Variants in TPP2 observed in about 807,000 individuals in gnomAD.
TPP2 encodes tripeptidyl-peptidase 2.
A neutral mutation model predicts 155.9 loss-of-function variants in TPP2; 34 were observed. That is an observed-to-expected ratio of 0.22 (90% CI 0.17 to 0.29). The LOEUF is 0.29. Ranked by LOEUF, TPP2 falls within the 10% of genes least tolerant of loss-of-function variation. The pLI is 1.00. For synonymous variants in TPP2, 510 were observed against 529.4 expected (o/e 0.96, Z 0.50); for missense variants, 1,028 against 1,522.3 (o/e 0.68, Z 5.40).
At chr13:102,608,689 T>C (rs113013642) in intron 2 of TPP2, among the ~76,000 whole-genome samples, 1 of 152,240 alleles carries the variant, frequency 6.6e-6, no homozygotes, top group African/African-American at 2.4e-5. Flanking sequence ...TTTTAATTTT[T>C]TTCTATTTCA....
At chr13:102,608,042 G>A (rs1879984833) in intron 2 of TPP2, 1 of 152,348 alleles carries the variant, frequency 6.6e-6, no homozygotes, top group African/African-American at 2.4e-5. Context: ...TCTTTTCTCA[G>A]CTTGGTGACG....
rs1236436476 is a variant in TPP2, at chr13:102,639,905, CTT to C, written c.1914-363_1914-362del. ...TAGCTATAATACCAGTGACATAAAACTTTATCATTGATTTTAATATCTAGGAC... is the reference window on the plus strand; with the variant it reads ...TAGCTATAATACCAGTGACATAAAACTATCATTGATTTTAATATCTAGGAC... On this transcript the variant is annotated intron_variant, in intron 15 of 29. Coordinates refer to ENST00000376052, the MANE Select transcript of TPP2 (RefSeq NM_001330588.2). 3.3e-5 allele frequency among the ~76,000 whole-genome samples: 5 copies of C among 152,268 alleles called. No homozygotes were observed. The East Asian group carries it at 9.6e-4, about 29-fold the overall frequency.
In TPP2 at chr13:102,604,827, TCATTGATA is replaced by T; in HGVS notation, c.203_210del (p.Ile68AsnfsTer18). ...GATGGAAAACCAAAAATCGTTGATA[TCATTGATA>T]CAACAGGAAGTGGCGATGTGAATAC... On this transcript the variant is annotated frameshift_variant, in exon 2 of 30. Coordinates refer to ENST00000376052, the MANE Select transcript of TPP2 (RefSeq NM_001330588.2). LOFTEE classifies it high-confidence loss of function. 1 of 1,612,934 alleles carries T rather than the reference TCATTGATA, an allele frequency of 6.2e-7. No homozygotes were observed. Among genetic ancestry groups the T allele is most frequent in the Non-Finnish European group, 8.5e-7 (1 of 1,179,744 alleles).
chr13:102,673,943 A>T (rs1313133372), intron 27 of TPP2, among the ~76,000 whole-genome samples: 1 of 152,192 alleles, frequency 6.6e-6, no homozygotes, highest in Non-Finnish European at 1.5e-5. Context: ...ATTTATAAGA[A>T]AACTGAAAAC....
chr13:102,620,246 ACAAC>A (rs1881056870), intron 5 of TPP2, among the ~76,000 whole-genome samples: 1 of 152,234 alleles, frequency 6.6e-6, no homozygotes, highest in African/African-American at 2.4e-5. Flanking sequence ...CAGTTTGTTG[ACAAC>A]TATTCTAAGG....
chr13:102,627,265 A>AC (rs1298458902), intron 7 of TPP2, 99 bp downstream of exon 7: 1 of 1,217,892 alleles, frequency 8.2e-7, no homozygotes, highest in African/African-American at 1.6e-5. Context: ...AATACATTGA[A>AC]CTATATATAG....
At chr13:102,638,114 T>C (rs1263215849) in intron 14 of TPP2, 125 bp from the exon 15 acceptor site, 5 of 812,460 alleles carry the variant, frequency 6.2e-6, no homozygotes, top group Non-Finnish European at 1.0e-5. Context: ...AGGAAATTGG[T>C]GTCAACCTCT....
chr13:102,642,368 T>C (rs145733488), intron 16 of TPP2, among the ~76,000 whole-genome samples: 1 of 152,226 alleles, frequency 6.6e-6, no homozygotes, highest in African/African-American at 2.4e-5. Context: ...CTGAATTGGG[T>C]ACTTGTTTAG....
At chr13:102,659,068 C>T (rs9557901) in intron 25 of TPP2, among the ~76,000 whole-genome samples, 5 of 152,148 alleles carry the variant, frequency 3.3e-5, no homozygotes, top group African/African-American at 1.2e-4. Flanking sequence ...CCAGTGTGGC[C>T]TAAGGAGTTC....
intron 11 of TPP2, among the ~76,000 whole-genome samples, chr13:102,634,678 A>G (rs1460461481): frequency 6.6e-6 from 1 of 152,002 alleles, no homozygotes; most frequent in African/African-American, 2.4e-5. Flanking sequence ...TGCTCACCAC[A>G]TCTCCTCAGC....
intron 28 of TPP2, 28 bp from the exon 29 acceptor site, chr13:102,676,268 A>G (rs1885276805): frequency 1.3e-6 from 2 of 1,534,780 alleles, no homozygotes; most frequent in East Asian, 2.3e-5. Context: ...TATTTTATAA[A>G]CAAGCTTTAT....
chr13:102,621,990 A>G (rs1181801246), intron 5 of TPP2, among the ~76,000 whole-genome samples: 1 of 152,192 alleles, frequency 6.6e-6, no homozygotes, highest in Non-Finnish European at 1.5e-5. Flanking sequence ...ATACCTTCGT[A>G]TATTCTATTA....
intron 1 of TPP2, among the ~76,000 whole-genome samples, chr13:102,601,879 A>G (rs1879456825): frequency 6.6e-6 from 1 of 152,242 alleles, no homozygotes; most frequent in African/African-American, 2.4e-5. Context: ...TTGCATGTAT[A>G]ATAATTTGTA....
rs148533654 is a variant in TPP2 at position 102,611,964 on chromosome 13, C to G, written c.295-2137C>G. On this transcript the variant is annotated intron_variant, in intron 2 of 29. Transcript: ENST00000376052. ...GCTTCTGAAGTCTCTTTCGTATTCT[C>G]TTTGTCCCTTCGTTTTTGGATGCTT... Among the ~76,000 whole-genome samples, 311 of 152,314 alleles carry G rather than the reference C, an allele frequency of 2.0e-3. 3 individuals are homozygous for G. The highest frequency in any genetic ancestry group is 7.2e-3 in the African/African-American group (298 of 41,576).
intron 20 of TPP2, 121 bp from the exon 21 acceptor site, chr13:102,647,086 T>G: frequency 7.9e-7 from 1 of 1,270,710 alleles, no homozygotes; most frequent in Non-Finnish European, 1.0e-6. Context: ...TCAAAATTTT[T>G]TACCACAAGT....
chr13:102,659,867 A>G (rs1026891224), intron 25 of TPP2, among the ~76,000 whole-genome samples: 3 of 152,234 alleles, frequency 2.0e-5, no homozygotes, highest in Admixed American at 6.5e-5. Context: ...GCAGTTCTGT[A>G]AATATTGTGT....
At chr13:102,649,184 A>C in intron 22 of TPP2, 33 bp downstream of exon 22, 1 of 1,568,280 alleles carries the variant, frequency 6.4e-7, no homozygotes, top group Non-Finnish European at 8.6e-7. Context: ...CTTACTGCCC[A>C]TCGTATACAC....
At chr13:102,641,054 C>T (rs561222098) in intron 16 of TPP2, among the ~76,000 whole-genome samples, 1 of 152,138 alleles carries the variant, frequency 6.6e-6, no homozygotes, top group Non-Finnish European at 1.5e-5. Flanking sequence ...ATCTTTGAAG[C>T]TCTGTTTATA....
intron 4 of TPP2, among the ~76,000 whole-genome samples, chr13:102,617,125 AGGCTGG>A (rs1447229436): frequency 1.3e-5 from 2 of 151,652 alleles, no homozygotes. Context: ...CGTGTTGGCC[AGGCTGG>A]TCTTGAACTC....
Sources: gnomAD v4.1 joint callset for allele counts (sites outside exome capture counted in the v4.1 genomes callset) on GRCh38, gnomAD v4.1.1 for gene constraint, MANE v1.5 for transcripts, NCBI Gene and HGNC (gene_info 2026-07-23, HGNC 2026-07-21) for gene names.